The following TRPC6 variants were observed in gnomAD, a reference collection of about 807,000 sequenced individuals.
TRPC6 encodes the protein transient receptor potential cation channel subfamily C member 6.
Under a neutral mutation model 90.7 loss-of-function variants are expected in TRPC6, and 55 were observed. That is an observed-to-expected ratio of 0.61 (90% CI 0.49 to 0.76). TRPC6 has a LOEUF of 0.76. TRPC6 is among the 30% of genes least tolerant of loss of function. The pLI, the probability that TRPC6 is intolerant of heterozygous loss-of-function variation, is 0.00. For missense variants in TRPC6, 989 were observed against 1,122.7 expected (o/e 0.88, Z 1.70); for synonymous variants, 393 against 393.0 (o/e 1.00, Z 0.00).
intron 9 of TRPC6, among the ~76,000 whole-genome samples, chr11:101,470,070 T>TTGCAAGGAA (rs1859253025): frequency 2.0e-5 from 3 of 152,208 alleles, no homozygotes; most frequent in African/African-American, 7.2e-5. Flanking sequence ...GGAAACTTTA[T>TTGCAAGGAA]AATCATTTGG....
At chr11:101,560,136 A>G (rs2136864230) in intron 1 of TRPC6, among the ~76,000 whole-genome samples, 1 of 152,286 alleles carries the variant, frequency 6.6e-6, no homozygotes, top group Middle Eastern at 3.4e-3. Context: ...AAATGTATTC[A>G]ATTTCCAATT....
At chr11:101,551,014 C>T (rs1336518298) in intron 1 of TRPC6, among the ~76,000 whole-genome samples, 1 of 151,566 alleles carries the variant, frequency 6.6e-6, no homozygotes, top group Non-Finnish European at 1.5e-5. Flanking sequence ...ATAATCTTTT[C>T]ATTAAGAGCA....
chr11:101,559,635 CT>C (rs11286449), intron 1 of TRPC6, among the ~76,000 whole-genome samples: 36,151 of 148,118 alleles, frequency 0.24, 4,600 homozygotes, highest in East Asian at 0.41. Flanking sequence ...AATGTCTTTT[CT>C]TTTTTTTTTT....
At chr11:101,529,948 C>A (rs544710848) in intron 1 of TRPC6, among the ~76,000 whole-genome samples, 31 of 152,336 alleles carry the variant, frequency 2.0e-4, no homozygotes, top group African/African-American at 7.5e-4. Flanking sequence ...CCTGTGGACC[C>A]AGCTACAATC....
Position 101,473,669 on chromosome 11 carries a change from T to C in TRPC6, c.1849A>G (p.Asn617Asp), listed in dbSNP as rs1430341262. The C allele has an allele frequency of 6.2e-7, 1 of 1,613,776 alleles. No individual in the cohort carries two copies. The highest frequency in any genetic ancestry group is 1.7e-4 in the Middle Eastern group (1 of 6,052). Residue 617 changes from asparagine (N) to aspartate (D), a missense_variant, in exon 7 of 13, where the codon AAT becomes GAT. Around this residue, in one of 4 missense-constraint regions of TRPC6, gnomAD observed 118 missense variants for 197.6 expected, o/e 0.60. Transcript: ENST00000344327. The stretch of plus-strand genomic sequence containing the variant: ...ATCTGCAGAGGTCCAAAGCTTTCAT[T>C]TGCTGGTAAAATATAAGCTATCCTA... ...FSRIAYILPA[N>D]ESFGPLQISL...
At position 101,504,684 on chromosome 11, in the gene TRPC6, T is replaced by A. The variant is rs1347422309; in HGVS notation, c.285A>T (p.Leu95=). ...AYMFSDRSTS[L]SIEEERFLDA... ...CCAAAAAGCGTTCCTCCTCTATAGATAGGCTTGTGGAGCGATCACTAAACA... is the reference window on the plus strand; with the variant it reads ...CCAAAAAGCGTTCCTCCTCTATAGAAAGGCTTGTGGAGCGATCACTAAACA... The change falls in exon 2 of 13, where the codon CTA becomes CTT. Residue 95 remains leucine, a synonymous_variant. Coordinates refer to ENST00000344327, the MANE Select transcript of TRPC6 (RefSeq NM_004621.6). 3.7e-6 allele frequency: 6 copies of A among 1,600,086 alleles called. No homozygotes were observed. Among genetic ancestry groups the A allele is most frequent in the Non-Finnish European group, 5.1e-6 (6 of 1,171,830 alleles).
chr11:101,562,671 T>G (rs1247630398), intron 1 of TRPC6, among the ~76,000 whole-genome samples: 2 of 152,162 alleles, frequency 1.3e-5, no homozygotes, highest in African/African-American at 2.4e-5. Context: ...GAAAAGTGCC[T>G]TTGTCCTTCT....
chr11:101,481,299 C>T (rs916466109), intron 5 of TRPC6, among the ~76,000 whole-genome samples: 1 of 152,110 alleles, frequency 6.6e-6, no homozygotes, highest in African/African-American at 2.4e-5. Flanking sequence ...ATGAAAATCC[C>T]TGAGCCTAAT....
chr11:101,535,360 T>C (rs2136807449), intron 1 of TRPC6, among the ~76,000 whole-genome samples: 1 of 151,714 alleles, frequency 6.6e-6, no homozygotes, highest in African/African-American at 2.4e-5. Flanking sequence ...ATGGATACCT[T>C]AGTTACTAGC....
At chr11:101,466,097 C>T (rs1591525354) in intron 10 of TRPC6, among the ~76,000 whole-genome samples, 1 of 152,170 alleles carries the variant, frequency 6.6e-6, no homozygotes, top group East Asian at 1.9e-4. Context: ...GTATCACCAG[C>T]AGAGGCTGCA....
chr11:101,575,444 G>C (rs1220394807), intron 1 of TRPC6, among the ~76,000 whole-genome samples: 1 of 152,102 alleles, frequency 6.6e-6, no homozygotes, highest in Non-Finnish European at 1.5e-5. Flanking sequence ...TAGCTGTGTA[G>C]CATTTGGCAA....
At chr11:101,558,013 TAAA>T (rs928628936) in intron 1 of TRPC6, among the ~76,000 whole-genome samples, 22 of 151,946 alleles carry the variant, frequency 1.4e-4, no homozygotes, top group African/African-American at 5.1e-4. Context: ...TCATTTTTCA[TAAA>T]AAGAGAAAAA....
intron 1 of TRPC6, among the ~76,000 whole-genome samples, chr11:101,520,068 AT>A (rs1860620099): frequency 6.6e-6 from 1 of 151,962 alleles, no homozygotes; most frequent in East Asian, 1.9e-4. Flanking sequence ...AGTCACTGAT[AT>A]GGTTTGGATT....
At chr11:101,581,230 C>A (rs1486584648) in intron 1 of TRPC6, among the ~76,000 whole-genome samples, 1 of 152,152 alleles carries the variant, frequency 6.6e-6, no homozygotes, top group African/African-American at 2.4e-5. Context: ...GTCCAGGATT[C>A]TTGAACTAAG....
intron 1 of TRPC6, among the ~76,000 whole-genome samples, chr11:101,532,896 T>C (rs1424608844): frequency 6.6e-6 from 1 of 151,898 alleles, no homozygotes; most frequent in Non-Finnish European, 1.5e-5. Flanking sequence ...AGATCCTTCT[T>C]CCTCCCAGCT....
chr11:101,538,113 T>A (rs1176947674), intron 1 of TRPC6, among the ~76,000 whole-genome samples: 3 of 152,150 alleles, frequency 2.0e-5, no homozygotes, highest in East Asian at 1.9e-4. Flanking sequence ...TCTTCATTTT[T>A]AAAATTTTTT....
chr11:101,573,064 T>A (rs1861999173), intron 1 of TRPC6, among the ~76,000 whole-genome samples: 1 of 150,320 alleles, frequency 6.7e-6, no homozygotes, highest in African/African-American at 2.4e-5. Flanking sequence ...TCCAATAAGG[T>A]ATTTCTAAAA....
chr11:101,523,292 G>A lies in TRPC6; in HGVS notation c.171-18494C>T, dbSNP rs72972234. ...GAGTGAAAGCAAGGAGCAGGAGGATGAGAGATCTGCATTAGGATTTAACAG... is the reference window on the plus strand; with the variant it reads ...GAGTGAAAGCAAGGAGCAGGAGGATAAGAGATCTGCATTAGGATTTAACAG... On this transcript the variant is annotated intron_variant, in intron 1 of 12. Coordinates refer to ENST00000344327, the MANE Select transcript of TRPC6 (RefSeq NM_004621.6). 8.2e-4 allele frequency among the ~76,000 whole-genome samples: 125 copies of A among 152,328 alleles called. 2 individuals are homozygous for A. Among genetic ancestry groups the A allele is most frequent in the Non-Finnish European group, 1.4e-3 (96 of 68,030 alleles).
chr11:101,560,621 G>A (rs1398194304), intron 1 of TRPC6, among the ~76,000 whole-genome samples: 1 of 151,504 alleles, frequency 6.6e-6, no homozygotes, highest in African/African-American at 2.4e-5. Flanking sequence ...CCATACAGCA[G>A]ACACAGAAAT....
Sources: gnomAD v4.1 joint callset for allele counts (sites outside exome capture counted in the v4.1 genomes callset) on GRCh38, gnomAD v4.1.1 for gene constraint, gnomAD v4.1.1 regional missense constraint, MANE v1.5 for transcripts, NCBI Gene and HGNC (gene_info 2026-07-23, HGNC 2026-07-21) for gene names.